PARD3B: variants seen among roughly 807,000 people sequenced by gnomAD.
PARD3B encodes the protein partitioning defective 3 homolog B.
A neutral mutation model predicts 130.2 loss-of-function variants in PARD3B; 103 were observed. The observed-to-expected ratio is 0.79, with a 90% CI of 0.67 to 0.93. The LOEUF (loss-of-function observed/expected upper bound fraction) is 0.93, where lower values mean the gene tolerates loss of function less well. Ranked by LOEUF, PARD3B falls within the 40% of genes least tolerant of loss-of-function variation. The pLI is 0.00. For synonymous variants in PARD3B, 583 were observed against 553.2 expected, an observed-to-expected ratio of 1.05 and a Z score of -0.76; for missense variants, 1,609 against 1,499.2, an observed-to-expected ratio of 1.07 and a Z score of -1.21.
intron 2 of PARD3B, among the ~76,000 whole-genome samples, chr2:204,960,458 G>A (rs545117361): frequency 2.0e-5 from 3 of 152,100 alleles, no homozygotes; most frequent in South Asian, 4.2e-4. Flanking sequence ...GGAATTTATC[G>A]GCCATAATTT....
intron 2 of PARD3B, among the ~76,000 whole-genome samples, chr2:204,804,139 G>A (rs188834187): frequency 2.3e-3 from 349 of 152,250 alleles, no homozygotes; most frequent in Admixed American, 5.4e-3. Context: ...GAGGTTAGGA[G>A]GATGGCTGAA....
chr2:204,726,999 T>C (rs532843496), intron 2 of PARD3B, among the ~76,000 whole-genome samples: 11 of 152,314 alleles, frequency 7.2e-5, no homozygotes, highest in African/African-American at 2.6e-4. Context: ...GATCCTTCCC[T>C]TCCCCGCCCT....
intron 4 of PARD3B, among the ~76,000 whole-genome samples, chr2:205,060,385 G>A (rs1231849959): frequency 6.6e-6 from 1 of 152,112 alleles, no homozygotes; most frequent in African/African-American, 2.4e-5. Flanking sequence ...TTTAATGCAG[G>A]CATTTAAGAC....
chr2:205,537,100 G>A (rs937423213), intron 21 of PARD3B, among the ~76,000 whole-genome samples: 1 of 151,986 alleles, frequency 6.6e-6, no homozygotes, highest in African/African-American at 2.4e-5. Flanking sequence ...CTACCTCTTA[G>A]GGATGTTAAG....
At chr2:205,566,077 A>G (rs2053322144) in intron 22 of PARD3B, among the ~76,000 whole-genome samples, 1 of 152,232 alleles carries the variant, frequency 6.6e-6, no homozygotes, top group Non-Finnish European at 1.5e-5. Context: ...CTTGTGTAGG[A>G]GAACACGTAA....
intron 18 of PARD3B, among the ~76,000 whole-genome samples, chr2:205,326,095 ACT>A (rs2042930946): frequency 6.6e-6 from 1 of 152,198 alleles, no homozygotes. Context: ...TAGTTTACTA[ACT>A]CTGAGAGGAT....
intron 19 of PARD3B, among the ~76,000 whole-genome samples, chr2:205,412,873 G>A (rs1190913844): frequency 6.6e-6 from 1 of 152,110 alleles, no homozygotes; most frequent in Non-Finnish European, 1.5e-5. Context: ...CCTATCCTGG[G>A]TCAAGTTGCT....
chr2:205,049,539 T>A lies in PARD3B; in HGVS notation c.504+1849T>A, dbSNP rs73054994. Among the ~76,000 whole-genome samples the A allele has an allele frequency of 5.9e-3, 897 of 152,242 alleles. 14 individuals are homozygous for A. The highest frequency in any genetic ancestry group is 0.021 in the African/African-American group (861 of 41,544). On this transcript the variant is annotated intron_variant, in intron 4 of 22. Coordinates refer to ENST00000406610, the MANE Select transcript of PARD3B (RefSeq NM_001302769.2). The stretch of plus-strand genomic sequence containing the variant: ...TGTCCGGACAGAAACCTTAACCATA[T>A]CGGTCCTCCAATGTTTATTTCCATG...
chr2:204,600,004 T>C (rs1296487641), intron 1 of PARD3B, among the ~76,000 whole-genome samples: 1 of 151,940 alleles, frequency 6.6e-6, no homozygotes, highest in East Asian at 1.9e-4. Context: ...AAAATACCTG[T>C]TCAGAGCATT....
At chr2:205,250,798 C>CGATTA (rs1222463985) in intron 16 of PARD3B, among the ~76,000 whole-genome samples, 1 of 151,828 alleles carries the variant, frequency 6.6e-6, no homozygotes, top group African/African-American at 2.4e-5. Flanking sequence ...GCATGGTGGC[C>CGATTA]CATGCCTGTA....
chr2:205,088,507 C>T (rs1701880873), intron 4 of PARD3B, among the ~76,000 whole-genome samples: 1 of 152,042 alleles, frequency 6.6e-6, no homozygotes, highest in Non-Finnish European at 1.5e-5. Flanking sequence ...AGCAGTTTTG[C>T]TCTGTTTTAA....
At chr2:204,661,392 C>T (rs575928010) in intron 1 of PARD3B, among the ~76,000 whole-genome samples, 2 of 152,194 alleles carry the variant, frequency 1.3e-5, no homozygotes, top group Non-Finnish European at 2.9e-5. Context: ...CTGTTGAAGG[C>T]CTTGGAGTCC....
intron 20 of PARD3B, among the ~76,000 whole-genome samples, chr2:205,459,580 G>T (rs999783006): frequency 2.0e-5 from 3 of 152,192 alleles, no homozygotes; most frequent in African/African-American, 7.2e-5. Flanking sequence ...GAAAAGGTTA[G>T]TGATTAGCAT....
intron 18 of PARD3B, among the ~76,000 whole-genome samples, chr2:205,323,737 A>G (rs1259294191): frequency 6.6e-6 from 1 of 151,964 alleles, no homozygotes; most frequent in African/African-American, 2.4e-5. Context: ...AATGAGACAT[A>G]AGAGTGTCTA....
intron 12 of PARD3B, among the ~76,000 whole-genome samples, chr2:205,173,288 A>T (rs996774273): frequency 1.3e-5 from 2 of 152,342 alleles, no homozygotes; most frequent in Middle Eastern, 3.4e-3. Context: ...TTATCAAGTT[A>T]ATCAAGAGTT....
In PARD3B at chr2:205,421,038, G is replaced by A. The variant is rs1343504495; in HGVS notation, c.2742-19332G>A. 6.6e-6 allele frequency among the ~76,000 whole-genome samples: 1 copy of A among 152,026 alleles called. No homozygotes were observed. Among genetic ancestry groups the A allele is most frequent in the Non-Finnish European group, 1.5e-5 (1 of 68,028 alleles). ...TGCCCATAGTCCCAGCTACTCGGGG[G>A]GCCAAGGCAGGAGAATCACTTGAAC... On this transcript the variant is annotated intron_variant, in intron 19 of 22. Coordinates refer to ENST00000406610, the MANE Select transcript of PARD3B (RefSeq NM_001302769.2). The surrounding 1 kb of genome is among the most constrained non-coding windows in gnomAD (Gnocchi z 5.1).
chr2:204,694,786 GT>G (rs566180452), intron 2 of PARD3B, among the ~76,000 whole-genome samples: 36 of 152,032 alleles, frequency 2.4e-4, no homozygotes, highest in Non-Finnish European at 4.9e-4. Context: ...ACTATAGTGT[GT>G]ATGGGTGTAT....
At chr2:204,692,325 A>T (rs2037392227) in intron 2 of PARD3B, among the ~76,000 whole-genome samples, 1 of 151,984 alleles carries the variant, frequency 6.6e-6, no homozygotes, top group Non-Finnish European at 1.5e-5. Flanking sequence ...CATTTATAAA[A>T]ACTCCTCTTT....
At chr2:205,608,990 C>T (rs2055124282) in intron 22 of PARD3B, among the ~76,000 whole-genome samples, 1 of 152,188 alleles carries the variant, frequency 6.6e-6, no homozygotes, top group African/African-American at 2.4e-5. Flanking sequence ...GAACAAGACC[C>T]CCCTCTTCTC....
Sources: allele counts gnomAD v4.1 joint callset (sites outside exome capture counted in the v4.1 genomes callset), GRCh38; gene constraint gnomAD v4.1.1; non-coding constraint Gnocchi (gnomAD v3.1); transcripts MANE v1.5; gene names NCBI Gene and HGNC (gene_info 2026-07-23, HGNC 2026-07-21).